The following GRID2 variants were observed in gnomAD, a reference collection of about 807,000 sequenced individuals.
GRID2 encodes the protein glutamate ionotropic receptor delta type subunit 2, also known as glutamate receptor ionotropic, delta-2.
A neutral mutation model predicts 114.8 loss-of-function variants in GRID2; 33 were observed. That is an observed-to-expected ratio of 0.29 (90% CI 0.22 to 0.38). The LOEUF (loss-of-function observed/expected upper bound fraction) is 0.38, where lower values mean the gene tolerates loss of function less well. Among genes scored for constraint, GRID2 ranks in the 10% least tolerant of loss-of-function variants. GRID2 has a pLI of 1.00. For synonymous variants in GRID2, 505 were observed against 449.9 expected, an observed-to-expected ratio of 1.12 and a Z score of -1.55; for missense variants, 1,184 against 1,257.7, an observed-to-expected ratio of 0.94 and a Z score of 0.89.
chr4:93,518,043 G>A (rs1246906268), intron 13 of GRID2, among the ~76,000 whole-genome samples: 3 of 108,032 alleles, frequency 2.8e-5, no homozygotes, highest in African/African-American at 6.9e-5. Context: ...GTATATATAC[G>A]CATATACTAT....
chr4:93,013,592 G>A (rs955603703), intron 2 of GRID2, among the ~76,000 whole-genome samples: 1 of 151,734 alleles, frequency 6.6e-6, no homozygotes, highest in Non-Finnish European at 1.5e-5. Context: ...TTAGAGGTTC[G>A]TGCTTGTCAT....
chr4:93,008,450 T>A (rs1721789594), intron 2 of GRID2, among the ~76,000 whole-genome samples: 1 of 152,082 alleles, frequency 6.6e-6, no homozygotes, highest in Non-Finnish European at 1.5e-5. Context: ...TCTATATAGT[T>A]GAATTTTCTT....
At chr4:93,046,078 T>C (rs1358744681) in intron 2 of GRID2, among the ~76,000 whole-genome samples, 1 of 152,130 alleles carries the variant, frequency 6.6e-6, no homozygotes, top group Non-Finnish European at 1.5e-5. Context: ...AGGTCATTAA[T>C]AGAAAATGAA....
In GRID2 at chr4:93,051,506, T is replaced by G. The variant is rs544356022; in HGVS notation, c.245-33489T>G. 2.0e-5 allele frequency among the ~76,000 whole-genome samples: 3 copies of G among 152,160 alleles called. No individual in the cohort carries two copies. The South Asian group carries it at 6.2e-4, about 32-fold the overall frequency. On this transcript the variant is annotated intron_variant, in intron 2 of 15. Transcript: ENST00000282020. ...TATCAGATGCTCTCTTCATCAAGTG[T>G]GCAAGATAGGTCATTGTGATTCCCT...
intron 9 of GRID2, among the ~76,000 whole-genome samples, chr4:93,398,884 C>T (rs1402500912): frequency 6.6e-6 from 1 of 151,052 alleles, no homozygotes; most frequent in East Asian, 2.0e-4. Context: ...CTTCCTATGT[C>T]TTTCTGTAAC....
intron 1 of GRID2, among the ~76,000 whole-genome samples, chr4:92,470,823 A>G (rs1056199336): frequency 2.6e-5 from 4 of 152,064 alleles, no homozygotes; most frequent in African/African-American, 9.7e-5. Context: ...TCTTTAACAC[A>G]GTAAGCCAGA....
chr4:93,307,965 C>A, intron 8 of GRID2, among the ~76,000 whole-genome samples: 1 of 150,596 alleles, frequency 6.6e-6, no homozygotes. Flanking sequence ...ACTTTTATTA[C>A]CAGAGGCCTG....
chr4:92,425,564 A>G (rs1732117187), intron 1 of GRID2, among the ~76,000 whole-genome samples: 1 of 152,042 alleles, frequency 6.6e-6, no homozygotes, highest in Non-Finnish European at 1.5e-5. Context: ...TAGTAGCAAA[A>G]TAAGGTAATC....
chr4:92,658,791 G>GTATA (rs1413369586), intron 2 of GRID2, among the ~76,000 whole-genome samples: 7 of 111,144 alleles, frequency 6.3e-5, no homozygotes, highest in African/African-American at 2.1e-4. Context: ...GTGTGTGTGT[G>GTATA]TGTATATATA....
intron 14 of GRID2, among the ~76,000 whole-genome samples, chr4:93,734,375 A>G (rs965553225): frequency 4.6e-5 from 7 of 151,944 alleles, no homozygotes; most frequent in African/African-American, 1.7e-4. Context: ...AGAGCGTAAA[A>G]TTATTTGCAA....
intron 1 of GRID2, among the ~76,000 whole-genome samples, chr4:92,534,474 G>C (rs17019446): frequency 0.22 from 33,174 of 152,038 alleles, 3,916 homozygotes; most frequent in South Asian, 0.3. Context: ...AAATCAAAGA[G>C]GGGGACAATT....
At chr4:93,332,486 C>G (rs764720069) in intron 8 of GRID2, among the ~76,000 whole-genome samples, 3 of 151,766 alleles carry the variant, frequency 2.0e-5, no homozygotes, top group African/African-American at 7.3e-5. Flanking sequence ...TTACTTACAA[C>G]CAGAGGAGTC....
At chr4:92,992,206 C>T (rs755686130) in intron 2 of GRID2, among the ~76,000 whole-genome samples, 7 of 152,052 alleles carry the variant, frequency 4.6e-5, no homozygotes, top group African/African-American at 1.4e-4. Context: ...AAGGTAAATA[C>T]GGGACTTTTC....
chr4:92,664,668 C>CTATT (rs141103265), intron 2 of GRID2, among the ~76,000 whole-genome samples: 9,173 of 151,166 alleles, frequency 0.061, 331 homozygotes, highest in East Asian at 0.16. Flanking sequence ...ATAGAACTGT[C>CTATT]TATCCCTTAA....
chr4:93,521,319 T>C (rs2149498705), intron 13 of GRID2, among the ~76,000 whole-genome samples: 1 of 152,100 alleles, frequency 6.6e-6, no homozygotes, highest in Non-Finnish European at 1.5e-5. Context: ...AGGATATGAG[T>C]ATATCTGGAA....
At chr4:93,314,939 G>C (rs939791820) in intron 8 of GRID2, among the ~76,000 whole-genome samples, 1 of 152,026 alleles carries the variant, frequency 6.6e-6, no homozygotes, top group Non-Finnish European at 1.5e-5. Flanking sequence ...AATAGTCACT[G>C]TATTAGTCTG....
At chr4:93,743,535 G>A (rs1731587642) in intron 14 of GRID2, among the ~76,000 whole-genome samples, 1 of 152,210 alleles carries the variant, frequency 6.6e-6, no homozygotes, top group African/African-American at 2.4e-5. Context: ...TGGGCATCTG[G>A]TGGAAGCCTC....
chr4:92,825,335 T>G (rs955740690), intron 2 of GRID2, among the ~76,000 whole-genome samples: 2 of 152,110 alleles, frequency 1.3e-5, no homozygotes, highest in African/African-American at 4.8e-5. Context: ...CTTCAGCCCC[T>G]ACTAAAACTC....
At chr4:92,831,726 A>G (rs904697280) in intron 2 of GRID2, among the ~76,000 whole-genome samples, 7 of 151,924 alleles carry the variant, frequency 4.6e-5, no homozygotes, top group African/African-American at 1.7e-4. Context: ...GGGTGGTGGT[A>G]CATGCCTTAG....
Sources: allele counts gnomAD v4.1 joint callset (sites outside exome capture counted in the v4.1 genomes callset), GRCh38; gene constraint gnomAD v4.1.1; transcripts MANE v1.5; gene names NCBI Gene and HGNC (gene_info 2026-07-23, HGNC 2026-07-21).